CDH4: variants seen among roughly 807,000 people sequenced by gnomAD.
CDH4 encodes cadherin-4.
Under a neutral mutation model 86.0 loss-of-function variants are expected in CDH4, and 33 were observed. The observed-to-expected ratio is 0.38, with a 90% CI of 0.29 to 0.51. CDH4 has a LOEUF of 0.51. CDH4 is among the 20% of genes least tolerant of loss of function. The pLI, the probability that CDH4 is intolerant of heterozygous loss-of-function variation, is 0.86. For synonymous variants in CDH4, 555 were observed against 549.4 expected (o/e 1.01, Z -0.14); for missense variants, 1,114 against 1,307.4 (o/e 0.85, Z 2.28).
chr20:61,756,802 G>A (rs1054802642), intron 3 of CDH4, among the ~76,000 whole-genome samples: 1 of 152,064 alleles, frequency 6.6e-6, no homozygotes, highest in Non-Finnish European at 1.5e-5. Context: ...CAGGTCATCA[G>A]GGCAGTGAGG....
chr20:61,812,931 A>T (rs957255488), intron 4 of CDH4, among the ~76,000 whole-genome samples: 25 of 152,208 alleles, frequency 1.6e-4, no homozygotes, highest in African/African-American at 5.8e-4. Context: ...AAGCCCTAAC[A>T]TGATGACCAA....
rs2087162886 is a variant in CDH4, at chr20:61,654,277, C to T, written c.170-89286C>T. ...GTCTCCACCAAAAAAACATGAAAAC[C>T]AGTCAGGCGTGGTGGCACGCGCCTG... is the stretch of plus-strand genomic sequence containing the variant. On this transcript the variant is annotated intron_variant, in intron 2 of 15. Transcript: ENST00000614565. 3.9e-5 allele frequency among the ~76,000 whole-genome samples: 6 copies of T among 152,308 alleles called. No homozygotes were observed. The South Asian group carries it at 1.2e-3, about 32-fold the overall frequency.
intron 2 of CDH4, among the ~76,000 whole-genome samples, chr20:61,626,964 G>T (rs958558061): frequency 6.6e-6 from 1 of 152,128 alleles, no homozygotes; most frequent in African/African-American, 2.4e-5. Context: ...AATCCTGTAG[G>T]AGGGCGGACC....
intron 2 of CDH4, among the ~76,000 whole-genome samples, chr20:61,313,075 T>C (rs1458917026): frequency 6.6e-6 from 1 of 152,198 alleles, no homozygotes; most frequent in Non-Finnish European, 1.5e-5. Context: ...ATTCTAATAC[T>C]GCAGGGAGGA....
rs4580446 is a variant in CDH4, at chr20:61,328,859, C to G, written c.169+73922C>G. Among the ~76,000 whole-genome samples, 649 of 152,310 alleles carry G rather than the reference C, an allele frequency of 4.3e-3. 1 individual carries two copies. Among genetic ancestry groups the G allele is most frequent in the South Asian group, 0.013 (61 of 4,828 alleles). On this transcript the variant is annotated intron_variant, in intron 2 of 15. Transcript: ENST00000614565. The stretch of plus-strand genomic sequence containing the variant: ...GGAGGACCTTGGCCTTTCCTATTAG[C>G]TCTGAATGATGAAAACTCCCATTGT...
intron 2 of CDH4, among the ~76,000 whole-genome samples, chr20:61,589,901 A>G (rs377202475): frequency 2.6e-5 from 4 of 151,694 alleles, no homozygotes; most frequent in East Asian, 3.9e-4. Flanking sequence ...GAGAACAGAT[A>G]ATCAACAGGA....
At chr20:61,265,113 A>G (rs1193243577) in intron 2 of CDH4, among the ~76,000 whole-genome samples, 2 of 141,758 alleles carry the variant, frequency 1.4e-5, no homozygotes, top group African/African-American at 5.3e-5. Flanking sequence ...TCAATCTTAC[A>G]CATACAGTGG....
intron 2 of CDH4, among the ~76,000 whole-genome samples, chr20:61,667,920 A>C (rs1316480458): frequency 6.6e-6 from 1 of 152,196 alleles, no homozygotes. Context: ...TGAGGCTGCC[A>C]AATGTCGCAT....
intron 9 of CDH4, among the ~76,000 whole-genome samples, chr20:61,914,616 G>A (rs1411656229): frequency 6.7e-6 from 1 of 149,532 alleles, no homozygotes; most frequent in East Asian, 1.9e-4. Flanking sequence ...TGGGAGGCTT[G>A]GAGACCTGCC....
chr20:61,752,331 A>C (rs2088507920), intron 3 of CDH4, among the ~76,000 whole-genome samples: 1 of 59,614 alleles, frequency 1.7e-5, no homozygotes, highest in Non-Finnish European at 3.2e-5. Context: ...AAGCCTGTCA[A>C]AAAAAAAAAA....
At chr20:61,644,849 T>C (rs2087045904) in intron 2 of CDH4, among the ~76,000 whole-genome samples, 1 of 152,206 alleles carries the variant, frequency 6.6e-6, no homozygotes. Flanking sequence ...CTGTCCAGCC[T>C]GCAGAAAACA....
chr20:61,895,581 A>C (rs747407155), intron 8 of CDH4, among the ~76,000 whole-genome samples: 2 of 152,194 alleles, frequency 1.3e-5, no homozygotes, highest in African/African-American at 2.4e-5. Flanking sequence ...CAGGGGACCA[A>C]ACTCTCTCTG....
intron 2 of CDH4, among the ~76,000 whole-genome samples, chr20:61,502,701 C>CA (rs1418629183): frequency 2.0e-4 from 31 of 152,288 alleles, no homozygotes; most frequent in African/African-American, 7.5e-4. Context: ...TAAGAGCACT[C>CA]AAAACAGTCG....
In CDH4 at chr20:61,810,718, G is replaced by T. The variant is rs6061837; in HGVS notation, c.577-33950G>T. ...AATCAGTACTCTGCCGCTAGATGAC[G>T]TGTAGCCGCATTCAGGGTCTGGCTG... On this transcript the variant is annotated intron_variant, in intron 4 of 15. Transcript: ENST00000614565. This position sits in a 1 kb window ranked among gnomAD's most constrained non-coding sequence, Gnocchi z 4.3. Among the ~76,000 whole-genome samples the T allele has an allele frequency of 0.01, 1,567 of 152,304 alleles. 22 individuals are homozygous for T. The highest frequency in any genetic ancestry group is 0.032 in the African/African-American group (1,348 of 41,552).
chr20:61,395,313 A>G (rs1460525306), intron 2 of CDH4, among the ~76,000 whole-genome samples: 3 of 152,328 alleles, frequency 2.0e-5, no homozygotes, highest in African/African-American at 4.8e-5. Flanking sequence ...AACATTCAAC[A>G]TAAATTGACA....
At chr20:61,932,874 A>G (rs563066510) in intron 13 of CDH4, 111 bp from the exon 14 acceptor site, 4 of 1,405,444 alleles carry the variant, frequency 2.8e-6, no homozygotes, top group African/African-American at 1.4e-5. Context: ...GGGCACAGTC[A>G]TGCTTGTGTG....
chr20:61,378,973 A>G (rs2084886059), intron 2 of CDH4, among the ~76,000 whole-genome samples: 1 of 152,238 alleles, frequency 6.6e-6, no homozygotes, highest in Non-Finnish European at 1.5e-5. Flanking sequence ...GCTGTAAGTC[A>G]GAGAGACCCT....
intron 2 of CDH4, among the ~76,000 whole-genome samples, chr20:61,546,136 CGGT>C (rs2086082932): frequency 1.2e-3 from 21 of 16,894 alleles, no homozygotes; most frequent in Admixed American, 4.3e-3. Flanking sequence ...ATGTGGGATA[CGGT>C]ATTTGTTCAC....
chr20:61,821,763 A>G (rs1981056487), intron 4 of CDH4, among the ~76,000 whole-genome samples: 1 of 152,248 alleles, frequency 6.6e-6, no homozygotes, highest in Admixed American at 6.5e-5. Context: ...AAATCCTACA[A>G]TTGTAATCCA....
Sources: allele counts gnomAD v4.1 joint callset (sites outside exome capture counted in the v4.1 genomes callset), GRCh38; gene constraint gnomAD v4.1.1; non-coding constraint Gnocchi (gnomAD v3.1); transcripts MANE v1.5; gene names NCBI Gene and HGNC (gene_info 2026-07-23, HGNC 2026-07-21).